Variants in EPHB2 observed in about 807,000 individuals in gnomAD.
EPHB2 encodes the protein EPH receptor B2.
A neutral mutation model predicts 96.4 loss-of-function variants in EPHB2; 18 were observed. The ratio of observed to expected loss-of-function variants is 0.19; its 90% confidence interval spans 0.13 to 0.28. The LOEUF (loss-of-function observed/expected upper bound fraction) is 0.28, where lower values mean the gene tolerates loss of function less well. Ranked by LOEUF, EPHB2 falls within the 10% of genes least tolerant of loss-of-function variation. The pLI is 1.00. For synonymous variants in EPHB2, 506 were observed against 534.1 expected, an observed-to-expected ratio of 0.95 and a Z score of 0.72; for missense variants, 989 against 1,355.4, an observed-to-expected ratio of 0.73 and a Z score of 4.25.
rs1160373429 is a variant in EPHB2, at chr1:22,918,289, G to T, written c.*4719G>T. 4 of 152,156 alleles carry T rather than the reference G, an allele frequency of 2.6e-5. No homozygotes were observed. The highest frequency in any genetic ancestry group is 5.9e-5 in the Non-Finnish European group (4 of 68,044). 9.4% of individuals were successfully genotyped at this position (152,156 alleles called of 1,614,324 possible). A position where few individuals can be genotyped will look rare whatever the true frequency, so the allele number is the denominator to read the frequency against. ...GCTTGGAACAGCAGGGTTGGGTCTTGTGCTACCTGATTCTTAATTTGGCTG... is the reference window on the plus strand; with the variant it reads ...GCTTGGAACAGCAGGGTTGGGTCTTTTGCTACCTGATTCTTAATTTGGCTG... On this transcript the variant is annotated 3_prime_UTR_variant, in exon 16 of 16. Transcript: ENST00000374630. This position sits in a 1 kb window ranked among gnomAD's most constrained non-coding sequence, Gnocchi z 4.2.
chr1:22,898,486 C>T (rs1639642704), intron 9 of EPHB2, among the ~76,000 whole-genome samples: 1 of 152,146 alleles, frequency 6.6e-6, no homozygotes. Context: ...TGGAGCAGAG[C>T]AAAGAGAGAA....
chr1:22,768,595 AG>A (rs2148403638), intron 1 of EPHB2, among the ~76,000 whole-genome samples: 1 of 151,662 alleles, frequency 6.6e-6, no homozygotes, highest in South Asian at 2.1e-4. Context: ...CAGGAGGCTG[AG>A]GTGGGAGGAT....
At chr1:22,897,824 G>A (rs1239179401) in intron 9 of EPHB2, among the ~76,000 whole-genome samples, 1 of 151,092 alleles carries the variant, frequency 6.6e-6, no homozygotes, top group East Asian at 2.0e-4. Flanking sequence ...ATAAGGCCAG[G>A]CACAGTGGCT....
chr1:22,912,054 G>A (rs139119945), intron 14 of EPHB2, among the ~76,000 whole-genome samples: 13 of 152,228 alleles, frequency 8.5e-5, no homozygotes, highest in Middle Eastern at 3.4e-3. Context: ...ACTGGGAGAG[G>A]AAACTGTGAA....
intron 9 of EPHB2, among the ~76,000 whole-genome samples, chr1:22,904,308 T>A (rs1241297793): frequency 2.2e-5 from 2 of 89,162 alleles, no homozygotes; most frequent in Non-Finnish European, 4.6e-5. Context: ...AAAAAAAAAA[T>A]TAATTAAAAA....
chr1:22,738,091 G>A (rs972145413), intron 1 of EPHB2, among the ~76,000 whole-genome samples: 5 of 152,154 alleles, frequency 3.3e-5, no homozygotes, highest in African/African-American at 9.7e-5. Flanking sequence ...CTAACTTATC[G>A]CAGAGTTGAG....
intron 6 of EPHB2, among the ~76,000 whole-genome samples, chr1:22,883,691 C>A (rs995616301): frequency 2.0e-5 from 3 of 152,212 alleles, no homozygotes; most frequent in Admixed American, 6.5e-5. Flanking sequence ...ACTCTGTTAA[C>A]TGCTGGATCG....
chr1:22,889,045 C>CT (rs1354965207), intron 6 of EPHB2, among the ~76,000 whole-genome samples: 2 of 152,058 alleles, frequency 1.3e-5, no homozygotes, highest in Non-Finnish European at 2.9e-5. Context: ...GTCCTAGCTA[C>CT]TAGGGAGGCT....
chr1:22,842,655 G>A (rs111296856), intron 3 of EPHB2, among the ~76,000 whole-genome samples: 2,321 of 152,260 alleles, frequency 0.015, 56 homozygotes, highest in African/African-American at 0.052. Flanking sequence ...GGGGCCCACA[G>A]TTTTGGCTCC....
At chr1:22,873,272 GT>G (rs1638731548) in intron 5 of EPHB2, among the ~76,000 whole-genome samples, 1 of 152,282 alleles carries the variant, frequency 6.6e-6, no homozygotes, top group South Asian at 2.1e-4. Flanking sequence ...GTTTTGTCAC[GT>G]TTGGGGGTTG....
At chr1:22,753,070 T>C (rs567069460) in intron 1 of EPHB2, among the ~76,000 whole-genome samples, 189 of 150,280 alleles carry the variant, frequency 1.3e-3, no homozygotes, top group African/African-American at 4.4e-3. Flanking sequence ...CATGAACCAC[T>C]ACACCTGGCC....
chr1:22,801,769 G>A (rs981941115), intron 3 of EPHB2, among the ~76,000 whole-genome samples: 5 of 152,292 alleles, frequency 3.3e-5, no homozygotes, highest in African/African-American at 1.2e-4. Context: ...AGCCCCTCGT[G>A]GGGTCCCCTC....
In EPHB2 at chr1:22,781,505, AC is replaced by A; in HGVS notation, c.126+22del. The stretch of plus-strand genomic sequence containing the variant: ...TCAGGGGTGAGTCAGTGGTCCCCAA[AC>A]CTTGCATTGGTCCCCAGGATCCCTC... On this transcript the variant is annotated intron_variant, in intron 2 of 15. Transcript: ENST00000374630. 6.2e-7 allele frequency: 1 copy of A among 1,613,238 alleles called. No individual in the cohort carries two copies. Among genetic ancestry groups the A allele is most frequent in the East Asian group, 2.2e-5 (1 of 44,832 alleles).
At chr1:22,801,912 A>AGC (rs1644848704) in intron 3 of EPHB2, among the ~76,000 whole-genome samples, 2 of 152,144 alleles carry the variant, frequency 1.3e-5, no homozygotes, top group Admixed American at 1.3e-4. Context: ...CAATTAGAGG[A>AGC]GCGGACAGGG....
At chr1:22,806,098 G>A (rs76496657) in intron 3 of EPHB2, among the ~76,000 whole-genome samples, 3,438 of 152,324 alleles carry the variant, frequency 0.023, 47 homozygotes, top group Non-Finnish European at 0.037. Flanking sequence ...CCTAGACCAC[G>A]GTTCTTCCCA....
Position 22,839,352 on chromosome 1 carries a change from CG to C in EPHB2, c.812-23684del, listed in dbSNP as rs1324971430. ...AGAACGATCTGTTCTGACACTCAGA[CG>C]CAGGGTCTTTCACTCACTCTGCATC... is the stretch of plus-strand genomic sequence containing the variant. On this transcript the variant is annotated intron_variant, in intron 3 of 15. Coordinates refer to ENST00000374630, the MANE Select transcript of EPHB2 (RefSeq NM_017449.5). Among the ~76,000 whole-genome samples the C allele has an allele frequency of 4.6e-5, 7 of 152,316 alleles. No individual in the cohort carries two copies. The South Asian group carries it at 1.5e-3, about 32-fold the overall frequency.
At chr1:22,759,900 T>C (rs1644211325) in intron 1 of EPHB2, among the ~76,000 whole-genome samples, 1 of 152,178 alleles carries the variant, frequency 6.6e-6, no homozygotes, top group Non-Finnish European at 1.5e-5. Flanking sequence ...ACAGCAGGCC[T>C]GCATGTGTGT....
At chr1:22,851,724 C>T (rs2148509884) in intron 3 of EPHB2, among the ~76,000 whole-genome samples, 1 of 152,358 alleles carries the variant, frequency 6.6e-6, no homozygotes, top group Middle Eastern at 3.4e-3. Flanking sequence ...CCTCTCCTGG[C>T]CTTGAACCTC....
At chr1:22,801,006 C>A (rs1644835408) in intron 3 of EPHB2, among the ~76,000 whole-genome samples, 1 of 152,222 alleles carries the variant, frequency 6.6e-6, no homozygotes, top group Non-Finnish European at 1.5e-5. Context: ...CACACATATA[C>A]CCACAGGACC....
Sources: allele counts gnomAD v4.1 joint callset (sites outside exome capture counted in the v4.1 genomes callset), GRCh38; gene constraint gnomAD v4.1.1; non-coding constraint Gnocchi (gnomAD v3.1); transcripts MANE v1.5; gene names NCBI Gene and HGNC (gene_info 2026-07-23, HGNC 2026-07-21).